DPP10: variants seen among roughly 807,000 people sequenced by gnomAD.
DPP10 encodes dipeptidyl peptidase like 10, also known as inactive dipeptidyl peptidase 10.
Under a neutral mutation model 120.9 loss-of-function variants are expected in DPP10, and 33 were observed. That is an observed-to-expected ratio of 0.27 (90% CI 0.21 to 0.37). The LOEUF (loss-of-function observed/expected upper bound fraction) is 0.37. Ranked by LOEUF, DPP10 falls within the 10% of genes least tolerant of loss-of-function variation. The pLI, the probability that DPP10 is intolerant of heterozygous loss-of-function variation, is 1.00. For synonymous variants in DPP10, 337 were observed against 326.1 expected, an observed-to-expected ratio of 1.03 and a Z score of -0.36; for missense variants, 816 against 942.8, an observed-to-expected ratio of 0.87 and a Z score of 1.76.
At chr2:115,558,114 A>C (rs1029943263) in intron 5 of DPP10, among the ~76,000 whole-genome samples, 1 of 152,154 alleles carries the variant, frequency 6.6e-6, no homozygotes, top group African/African-American at 2.4e-5. Context: ...CCAAAATGGT[A>C]CTTGTCCTAT....
chr2:114,774,876 C>G (rs560948585), intron 1 of DPP10, among the ~76,000 whole-genome samples: 14 of 152,012 alleles, frequency 9.2e-5, no homozygotes, highest in Admixed American at 5.2e-4. Flanking sequence ...TCAACTTTAT[C>G]TCTTTACTAA....
At chr2:115,823,558 T>C (rs1688018550) in intron 21 of DPP10, among the ~76,000 whole-genome samples, 1 of 152,180 alleles carries the variant, frequency 6.6e-6, no homozygotes, top group African/African-American at 2.4e-5. Context: ...AATAAAACAT[T>C]GGTTTCATGC....
chr2:114,860,770 T>C (rs33998977), intron 1 of DPP10, among the ~76,000 whole-genome samples: 4 of 152,142 alleles, frequency 2.6e-5, no homozygotes, highest in Non-Finnish European at 5.9e-5. Context: ...TTCCCTATTG[T>C]TTTTACTTTT....
At chr2:115,231,151 C>A (rs1318852682) in intron 1 of DPP10, among the ~76,000 whole-genome samples, 1 of 151,608 alleles carries the variant, frequency 6.6e-6, no homozygotes, top group Non-Finnish European at 1.5e-5. Context: ...TAAGATATTT[C>A]AAATTCTGTA....
At chr2:115,788,899 G>C (rs984778649) in intron 17 of DPP10, among the ~76,000 whole-genome samples, 2 of 151,956 alleles carry the variant, frequency 1.3e-5, no homozygotes, top group African/African-American at 4.8e-5. Context: ...GGTGGAGATC[G>C]TGAGGTCAGG....
intron 1 of DPP10, among the ~76,000 whole-genome samples, chr2:114,639,281 C>T (rs953729567): frequency 2.6e-5 from 4 of 151,870 alleles, no homozygotes; most frequent in Non-Finnish European, 5.9e-5. Context: ...CATCAGATCT[C>T]ATGACACTTA....
chr2:114,960,985 A>AAAATATGT (rs1236672135), intron 1 of DPP10, among the ~76,000 whole-genome samples: 1 of 150,334 alleles, frequency 6.7e-6, no homozygotes, highest in Non-Finnish European at 1.5e-5. Context: ...AAAACTCCAG[A>AAAATATGT]AAATATGTGA....
chr2:115,177,901 C>G (rs2053810519), intron 1 of DPP10, among the ~76,000 whole-genome samples: 2 of 151,996 alleles, frequency 1.3e-5, no homozygotes, highest in Non-Finnish European at 2.9e-5. Context: ...GTACCTGGGA[C>G]TACAGGTGCC....
intron 2 of DPP10, among the ~76,000 whole-genome samples, chr2:115,311,690 A>G (rs1559404093): frequency 6.6e-6 from 1 of 152,218 alleles, no homozygotes; most frequent in Non-Finnish European, 1.5e-5. Flanking sequence ...ACACATATTT[A>G]GAACACCACA....
chr2:114,578,100 A>G (rs1690204448), intron 1 of DPP10, among the ~76,000 whole-genome samples: 1 of 152,218 alleles, frequency 6.6e-6, no homozygotes, highest in Non-Finnish European at 1.5e-5. Flanking sequence ...AAATTGGCAA[A>G]AAACATAATA....
intron 1 of DPP10, among the ~76,000 whole-genome samples, chr2:115,006,216 A>G (rs1424230518): frequency 6.6e-6 from 1 of 152,152 alleles, no homozygotes; most frequent in Non-Finnish European, 1.5e-5. Context: ...TCCTGAAGGA[A>G]GCATTAAACA....
At chr2:114,790,882 A>G (rs943790294) in intron 1 of DPP10, among the ~76,000 whole-genome samples, 1 of 152,206 alleles carries the variant, frequency 6.6e-6, no homozygotes, top group African/African-American at 2.4e-5. Context: ...CGTGCAGGTC[A>G]CAGGGGATGC....
intron 1 of DPP10, among the ~76,000 whole-genome samples, chr2:114,900,840 T>C (rs1693502308): frequency 6.6e-6 from 1 of 152,218 alleles, no homozygotes; most frequent in Non-Finnish European, 1.5e-5. Flanking sequence ...TAAATAGCTT[T>C]AAAATTTAGC....
intron 4 of DPP10, among the ~76,000 whole-genome samples, chr2:115,511,100 A>G (rs1042776214): frequency 1.7e-4 from 26 of 152,130 alleles, no homozygotes; most frequent in Admixed American, 1.7e-3. Context: ...ATATCAAGAT[A>G]ATACTAGCCT....
At chr2:114,659,981 G>A (rs1697271251) in intron 1 of DPP10, among the ~76,000 whole-genome samples, 1 of 152,150 alleles carries the variant, frequency 6.6e-6, no homozygotes, top group Admixed American at 6.5e-5. Context: ...AAAGAGCATG[G>A]CCATCAACAC....
At chr2:115,014,560 G>A (rs941151172) in intron 1 of DPP10, among the ~76,000 whole-genome samples, 3 of 151,972 alleles carry the variant, frequency 2.0e-5, no homozygotes, top group Non-Finnish European at 4.4e-5. Context: ...CCAGGAGCTG[G>A]TTTTTATAAA....
chr2:114,874,969 C>T (rs777949676), intron 1 of DPP10, among the ~76,000 whole-genome samples: 2 of 152,116 alleles, frequency 1.3e-5, no homozygotes, highest in Non-Finnish European at 2.9e-5. Context: ...CCAGGTTCAA[C>T]AGTTCCCAAT....
chr2:114,822,169 T>C (rs541506003), intron 1 of DPP10, among the ~76,000 whole-genome samples: 1 of 152,168 alleles, frequency 6.6e-6, no homozygotes, highest in African/African-American at 2.4e-5. Context: ...AACATCCAGA[T>C]GTTTTTTTAC....
intron 21 of DPP10, among the ~76,000 whole-genome samples, chr2:115,816,213 C>T (rs1363720452): frequency 6.6e-6 from 1 of 152,002 alleles, no homozygotes; most frequent in Non-Finnish European, 1.5e-5. Context: ...AACACAATTT[C>T]ATATAGTAAT....
Sources: allele counts gnomAD v4.1 joint callset (sites outside exome capture counted in the v4.1 genomes callset), GRCh38; gene constraint gnomAD v4.1.1; transcripts MANE v1.5; gene names NCBI Gene and HGNC (gene_info 2026-07-23, HGNC 2026-07-21).